LARGE1: variants seen among roughly 807,000 people sequenced by gnomAD.
The protein encoded by LARGE1 is xylosyl- and glucuronyltransferase LARGE1.
LARGE1 carries 43 observed loss-of-function variants against 87.6 expected under a neutral mutation model. The ratio of observed to expected loss-of-function variants is 0.49; its 90% CI spans 0.38 to 0.63. LARGE1 has a LOEUF of 0.63. Among genes scored for constraint, LARGE1 ranks in the 30% least tolerant of loss-of-function variants. LARGE1 has a pLI of 0.00. For missense variants in LARGE1, 802 were observed against 1,000.2 expected, an observed-to-expected ratio of 0.80 and a Z score of 2.67; for synonymous variants, 434 against 394.6, an observed-to-expected ratio of 1.10 and a Z score of -1.18.
At chr22:33,449,998 G>A (rs2067846018) in intron 6 of LARGE1, among the ~76,000 whole-genome samples, 1 of 151,794 alleles carries the variant, frequency 6.6e-6, no homozygotes, top group East Asian at 1.9e-4. Context: ...TGCAACCTCC[G>A]CCTCTTGGGT....
At chr22:33,559,954 C>T (rs895608322) in intron 6 of LARGE1, among the ~76,000 whole-genome samples, 41 of 152,184 alleles carry the variant, frequency 2.7e-4, no homozygotes, top group Admixed American at 5.2e-4. Flanking sequence ...TATATGGTCA[C>T]TTTGAGTTCT....
intron 11 of LARGE1, among the ~76,000 whole-genome samples, chr22:33,256,602 C>A (rs1174594778): frequency 6.6e-6 from 1 of 152,108 alleles, no homozygotes; most frequent in African/African-American, 2.4e-5. Flanking sequence ...GACTTCCATT[C>A]CCATATTAAT....
At chr22:33,405,149 C>T (rs1032439090) in intron 7 of LARGE1, among the ~76,000 whole-genome samples, 1 of 152,232 alleles carries the variant, frequency 6.6e-6, no homozygotes, top group African/African-American at 2.4e-5. Context: ...TAGATCCCTA[C>T]AAGGACATTG....
chr22:33,194,607 T>C (rs1437242456), intron 11 of LARGE1, among the ~76,000 whole-genome samples: 1 of 152,180 alleles, frequency 6.6e-6, no homozygotes, highest in Non-Finnish European at 1.5e-5. Context: ...GTCCATCCAC[T>C]TCTTGCAGTC....
chr22:33,352,112 T>G (rs1188471963), intron 9 of LARGE1, among the ~76,000 whole-genome samples: 1 of 152,190 alleles, frequency 6.6e-6, no homozygotes, highest in Non-Finnish European at 1.5e-5. Flanking sequence ...ACATCCCTAG[T>G]AATGTTATAT....
At chr22:33,225,929 T>C (rs1301921975) in intron 11 of LARGE1, among the ~76,000 whole-genome samples, 1 of 152,248 alleles carries the variant, frequency 6.6e-6, no homozygotes, top group Non-Finnish European at 1.5e-5. Context: ...CTATGGTGTA[T>C]ATGTACCACA....
chr22:33,389,323 T>C (rs1429811019), intron 7 of LARGE1, among the ~76,000 whole-genome samples: 3 of 152,124 alleles, frequency 2.0e-5, no homozygotes, highest in Non-Finnish European at 4.4e-5. Flanking sequence ...ACAGAGAAAA[T>C]GCTATTCTTA....
the LARGE1 span, among the ~76,000 whole-genome samples, chr22:33,127,057 T>C: frequency 6.6e-6 from 1 of 152,214 alleles, no homozygotes; most frequent in Non-Finnish European, 1.5e-5. Flanking sequence ...AAGCTGCTTG[T>C]GTCTGGATCA....
chr22:33,609,847 G>A (rs2079377980), intron 4 of LARGE1, among the ~76,000 whole-genome samples: 1 of 152,158 alleles, frequency 6.6e-6, no homozygotes, highest in Non-Finnish European at 1.5e-5. Flanking sequence ...TTTAAAAAAA[G>A]AGAAACTCTT....
chr22:33,415,206 G>C (rs1569143800), intron 7 of LARGE1, among the ~76,000 whole-genome samples: 2 of 152,212 alleles, frequency 1.3e-5, no homozygotes, highest in South Asian at 2.1e-4. Context: ...CCCAGCTCAG[G>C]TGGAGGCGTT....
chr22:33,205,076 C>A (rs1303323669), intron 11 of LARGE1, among the ~76,000 whole-genome samples: 1 of 152,178 alleles, frequency 6.6e-6, no homozygotes, highest in African/African-American at 2.4e-5. Context: ...CTCCTGATCA[C>A]AACAGTATAT....
At chr22:33,599,880 C>T (rs2079071057) in intron 5 of LARGE1, among the ~76,000 whole-genome samples, 1 of 152,182 alleles carries the variant, frequency 6.6e-6, no homozygotes, top group South Asian at 2.1e-4. Flanking sequence ...TCCTCCTTCC[C>T]TAAGGTCGTC....
At chr22:33,271,692 C>T (rs1487551961), downstream of LARGE1, among the ~76,000 whole-genome samples, 2 of 152,246 alleles carry the variant, frequency 1.3e-5, no homozygotes, top group Non-Finnish European at 2.9e-5. Flanking sequence ...TACAGCTCCC[C>T]ACACATAAGC....
intron 11 of LARGE1, among the ~76,000 whole-genome samples, chr22:33,189,500 A>G (rs1923665905): frequency 6.6e-6 from 1 of 152,024 alleles, no homozygotes; most frequent in African/African-American, 2.4e-5. Flanking sequence ...CACTCACGAT[A>G]CTCACTCTTT....
chr22:33,128,680 C>CAAACAAAAA, the LARGE1 span, among the ~76,000 whole-genome samples: 1 of 110,288 alleles, frequency 9.1e-6, no homozygotes, highest in Non-Finnish European at 1.8e-5. Context: ...GTCTCAAAAA[C>CAAACAAAAA]AAAAAAAAAA....
intron 2 of LARGE1, among the ~76,000 whole-genome samples, chr22:33,668,083 C>G (rs543777653): frequency 6.6e-6 from 1 of 152,326 alleles, no homozygotes; most frequent in Admixed American, 6.5e-5. Context: ...CCAAAATACA[C>G]AACTTATTAT....
At chr22:33,448,026 C>T (rs545846121) in intron 6 of LARGE1, among the ~76,000 whole-genome samples, 5 of 151,472 alleles carry the variant, frequency 3.3e-5, no homozygotes, top group African/African-American at 4.9e-5. Context: ...TCACATTTCA[C>T]GTGATATATT....
intron 2 of LARGE1, among the ~76,000 whole-genome samples, chr22:33,699,579 GA>G (rs1188770140): frequency 3.3e-5 from 5 of 152,202 alleles, no homozygotes; most frequent in African/African-American, 1.2e-4. Flanking sequence ...ACACTGAGTT[GA>G]AAAACAGATT....
At chr22:33,891,736 C>T (rs1336556109) in intron 1 of LARGE1, among the ~76,000 whole-genome samples, 1 of 152,088 alleles carries the variant, frequency 6.6e-6, no homozygotes, top group African/African-American at 2.4e-5. Context: ...TAAATGTTGG[C>T]TATTATCAAA....
Sources: allele counts gnomAD v4.1 joint callset (sites outside exome capture counted in the v4.1 genomes callset), GRCh38; gene constraint gnomAD v4.1.1; transcripts MANE v1.5; gene names NCBI Gene and HGNC (gene_info 2026-07-23, HGNC 2026-07-21).